Variants in RABL2B observed in about 807,000 individuals in gnomAD.
The protein encoded by RABL2B is RAB, member of RAS oncogene family like 2B.
In RABL2B, 17 loss-of-function variants were observed where a neutral mutation model predicts 26.7. The observed-to-expected ratio is 0.64, with a 90% confidence interval of 0.44 to 0.95. The LOEUF (loss-of-function observed/expected upper bound fraction) is 0.95. Ranked by LOEUF, RABL2B falls within the 40% of genes least tolerant of loss-of-function variation. The probability of loss-of-function intolerance (pLI) is 0.00; values close to 1 mark genes in which losing one functional copy is unlikely to be tolerated. For synonymous variants in RABL2B, 70 were observed against 103.9 expected (o/e 0.67, Z 1.99); for missense variants, 170 against 277.2 (o/e 0.61, Z 2.75).
intron 7 of RABL2B, 107 bp from the exon 8 acceptor site, chr22:50,769,231 AC>A (rs1308168274): frequency 1.3e-5 from 8 of 622,836 alleles, no homozygotes; most frequent in South Asian, 9.9e-5. Context: ...AAAATCAGCA[AC>A]CTTACCCCTC....
At chr22:50,781,216 C>A (rs1374218327) in intron 2 of RABL2B, among the ~76,000 whole-genome samples, 2 of 151,932 alleles carry the variant, frequency 1.3e-5, no homozygotes, top group Admixed American at 6.6e-5. Context: ...TGGTGGCAGG[C>A]GCCTGTAGTC....
At chr22:50,771,045 A>AT (rs112046010) in intron 5 of RABL2B, among the ~76,000 whole-genome samples, 3,405 of 134,496 alleles carry the variant, frequency 0.025, 39 homozygotes, top group Non-Finnish European at 0.036. Context: ...ACTGCCCCTG[A>AT]TTTTTTTTTT....
At chr22:50,772,812 C>T (rs1485795559) in intron 5 of RABL2B, 1 of 1,151,970 alleles carries the variant, frequency 8.7e-7, no homozygotes, top group Non-Finnish European at 1.1e-6. Flanking sequence ...TTGTCCAGGT[C>T]TGGTTTCCTG....
intron 3 of RABL2B, among the ~76,000 whole-genome samples, 196 bp from the exon 4 acceptor site, chr22:50,776,945 G>A (rs1228547769): frequency 6.6e-6 from 1 of 152,182 alleles, no homozygotes; most frequent in South Asian, 2.1e-4. Context: ...GAAGGGTGAG[G>A]GGTGGGAGGA....
intron 2 of RABL2B, among the ~76,000 whole-genome samples, chr22:50,781,063 G>A (rs1218864402): frequency 1.3e-5 from 2 of 151,996 alleles, no homozygotes; most frequent in African/African-American, 4.8e-5. Flanking sequence ...ACCAGAGGCC[G>A]GGCGCGGTGG....
In RABL2B at chr22:50,768,264, C is replaced by A; in HGVS notation, c.*512G>T. Reference sequence around the variant, plus strand: ...AGAACGAACAAAGAAACAAACAAACCAGATGACTGGGAGACTGAAGAGGAA... The same window carrying A: ...AGAACGAACAAAGAAACAAACAAACAAGATGACTGGGAGACTGAAGAGGAA... On this transcript the variant is annotated 3_prime_UTR_variant, in exon 9 of 9. Transcript: ENST00000691320. 1 of 216,708 alleles carries A rather than the reference C, an allele frequency of 4.6e-6. No individual in the cohort carries two copies. Among genetic ancestry groups the A allele is most frequent in the South Asian group, 6.0e-5 (1 of 16,596 alleles). The allele number at this position is 216,708 out of a possible 1,614,324, so 13.4% of individuals were successfully genotyped here. A position where few individuals can be genotyped will look rare whatever the true frequency, so the allele number is the denominator to read the frequency against.
intron 2 of RABL2B, among the ~76,000 whole-genome samples, chr22:50,780,168 G>A (rs1291380294): frequency 1.1e-4 from 17 of 151,696 alleles, no homozygotes; most frequent in African/African-American, 3.9e-4. Flanking sequence ...AGGGGGTAGG[G>A]GAGCTGTCAT....
rs1441938306 is a variant in RABL2B at position 50,767,984 on chromosome 22, G to C, written c.*792C>G. The C allele has an allele frequency of 3.2e-6, 1 of 314,648 alleles. No homozygotes were observed. The highest frequency in any genetic ancestry group is 6.2e-6 in the Non-Finnish European group (1 of 161,882). The allele number at this position is 314,648 out of a possible 1,614,324, so 19.5% of individuals were successfully genotyped here. A position where few individuals can be genotyped will look rare whatever the true frequency, so the allele number is the denominator to read the frequency against. On this transcript the variant is annotated 3_prime_UTR_variant, in exon 9 of 9. Coordinates refer to ENST00000691320, the MANE Select transcript of RABL2B (RefSeq NM_001130919.3). ...AAACAGATGATTGGGGCCGGGCGCGGTGGCTCATGCCTGTAATCCCAGCAC... is the reference window on the plus strand; with the variant it reads ...AAACAGATGATTGGGGCCGGGCGCGCTGGCTCATGCCTGTAATCCCAGCAC...
intron 5 of RABL2B, among the ~76,000 whole-genome samples, chr22:50,773,487 C>T (rs1555920550): frequency 6.6e-6 from 1 of 152,154 alleles, no homozygotes; most frequent in African/African-American, 2.4e-5. Context: ...CTCCCAGCAT[C>T]CTGCACACGT....
chr22:50,775,877 A>G (rs782063617), intron 4 of RABL2B, 26 bp from the exon 5 acceptor site: 2 of 1,614,190 alleles, frequency 1.2e-6, no homozygotes, highest in Admixed American at 3.3e-5. Flanking sequence ...AGACAGACCT[A>G]CATGCCTGGT....
In RABL2B at chr22:50,767,906, G is replaced by A. The variant is rs1435313948; in HGVS notation, c.*870C>T. Reference sequence around the variant, plus strand: ...CCTAGAAGAGCTCCTGAAACAGAATGGGTACACGAAAATCTGGAATGAATA... The same window carrying A: ...CCTAGAAGAGCTCCTGAAACAGAATAGGTACACGAAAATCTGGAATGAATA... On this transcript the variant is annotated 3_prime_UTR_variant, in exon 9 of 9. Transcript: ENST00000691320. 2.9e-6 allele frequency: 1 copy of A among 345,598 alleles called. No individual in the cohort carries two copies. The highest frequency in any genetic ancestry group is 2.2e-5 in the African/African-American group (1 of 44,730). 21.4% of individuals were successfully genotyped at this position (345,598 alleles called of 1,614,324 possible). A position where few individuals can be genotyped will look rare whatever the true frequency, so the allele number is the denominator to read the frequency against.
In RABL2B at chr22:50,768,184, G is replaced by A. The variant is rs1218961090; in HGVS notation, c.*592C>T. The stretch of plus-strand genomic sequence containing the variant: ...GAACCAGGGAGTCAGAGGTTGCAGC[G>A]AGCCGAGACTGCGCCACTGCACTCC... On this transcript the variant is annotated 3_prime_UTR_variant, in exon 9 of 9. Transcript: ENST00000691320. The A allele has an allele frequency of 7.7e-5, 15 of 195,562 alleles. No individual in the cohort carries two copies. The highest frequency in any genetic ancestry group is 3.3e-4 in the East Asian group (2 of 5,974). 12.1% of individuals were successfully genotyped at this position (195,562 alleles called of 1,614,324 possible). A position where few individuals can be genotyped will look rare whatever the true frequency, so the allele number is the denominator to read the frequency against.
intron 3 of RABL2B, 150 bp downstream of exon 3, chr22:50,777,802 C>G: frequency 8.0e-7 from 1 of 1,255,292 alleles, no homozygotes; most frequent in Non-Finnish European, 1.2e-6. Context: ...GGTCAATCGG[C>G]AAGAAACAAG....
At chr22:50,773,403 A>T (rs1414542017) in intron 5 of RABL2B, among the ~76,000 whole-genome samples, 1 of 152,106 alleles carries the variant, frequency 6.6e-6, no homozygotes, top group Non-Finnish European at 1.5e-5. Flanking sequence ...CACTGTCCTC[A>T]CCACTGGTAT....
chr22:50,780,763 A>G (rs1228790853), intron 2 of RABL2B: 2 of 470,378 alleles, frequency 4.3e-6, no homozygotes, highest in South Asian at 1.6e-5. Flanking sequence ...CAAGTTAACT[A>G]CTTGGATTCT....
chr22:50,774,247 A>G (rs1439749589), intron 5 of RABL2B, among the ~76,000 whole-genome samples: 4 of 152,030 alleles, frequency 2.6e-5, no homozygotes, highest in African/African-American at 7.3e-5. Flanking sequence ...TGTCCATCCC[A>G]TGTGTTCTTT....
rs527595480 is a variant in RABL2B at position 50,773,913 on chromosome 22, G to T, written c.297+1859C>A. On this transcript the variant is annotated intron_variant, in intron 5 of 8. Transcript: ENST00000691320. ...CCATGGCAGACTTTATTTTTTTTTT[G>T]AGACGGAGTCTCGCTCTGTCGCCGA... Among the ~76,000 whole-genome samples the T allele has an allele frequency of 1.2e-3, 181 of 150,284 alleles. 1 individual carries two copies. Among genetic ancestry groups the T allele is most frequent in the African/African-American group, 4.3e-3 (175 of 40,838 alleles).
chr22:50,772,586 G>A (rs1414657496), intron 5 of RABL2B: 9 of 999,244 alleles, frequency 9.0e-6, no homozygotes, highest in East Asian at 2.0e-4. Context: ...CAAGCAACAC[G>A]GTTCAAGCTC....
intron 5 of RABL2B, among the ~76,000 whole-genome samples, chr22:50,775,327 T>G (rs1479497534): frequency 3.9e-5 from 6 of 151,976 alleles, no homozygotes; most frequent in South Asian, 2.1e-4. Context: ...AATGGGAGGC[T>G]CGGGGGGAGG....
Sources: allele counts gnomAD v4.1 joint callset (sites outside exome capture counted in the v4.1 genomes callset), GRCh38; gene constraint gnomAD v4.1.1; transcripts MANE v1.5; gene names NCBI Gene and HGNC (gene_info 2026-07-23, HGNC 2026-07-21).